ZNF773: variants seen among roughly 807,000 people sequenced by gnomAD.
ZNF773 encodes the protein zinc finger protein 419B.
ZNF773 carries 11 observed loss-of-function variants against 12.8 expected under a neutral mutation model. The observed-to-expected ratio is 0.86, with a 90% CI of 0.54 to 1.42. The LOEUF is 1.42. ZNF773 is among the 40% of genes most tolerant of loss of function. The probability of loss-of-function intolerance (pLI) is 0.00; values close to 1 mark genes in which losing one functional copy is unlikely to be tolerated. For missense variants in ZNF773, 518 were observed against 527.2 expected (o/e 0.98, Z 0.17); for synonymous variants, 175 against 178.4 (o/e 0.98, Z 0.15).
rs149188572 is a variant in ZNF773 at position 57,507,368 on chromosome 19, C to T, written c.1273C>T (p.Arg425Cys). The T allele has an allele frequency of 3.3e-5, 54 of 1,612,380 alleles. No homozygotes were observed. The highest frequency in any genetic ancestry group is 2.3e-4 in the African/African-American group (17 of 74,800). ...GTGCAGGGAATGTGGGAAATTTTTT[C>T]GCCACAGCTCCAGTCTTGTTAAACA... is the stretch of plus-strand genomic sequence containing the variant. ...YECRECGKFF[R>C]HSSSLVKHRR... Residue 425 changes from arginine to cysteine, a missense_variant, in exon 4 of 4, where the codon CGC becomes TGC. Physicochemically the swap from Arg to Cys is radical, Grantham distance 180. Transcript: ENST00000282292.
rs1308854063 is a variant in ZNF773 at position 57,507,051 on chromosome 19, T to C, written c.956T>C (p.Met319Thr). The C allele has an allele frequency of 1.9e-6, 3 of 1,614,198 alleles. No individual in the cohort carries two copies. Among genetic ancestry groups the C allele is most frequent in the Non-Finnish European group, 2.5e-6 (3 of 1,180,028 alleles). Residue 319 changes from methionine (M) to threonine (T), a missense_variant, in exon 4 of 4, where the codon ATG (methionine) becomes ACG (threonine). Physicochemically the swap from Met to Thr is moderately conservative, Grantham distance 81 (BLOSUM62 -1). Transcript: ENST00000282292. ...GKLFSFNSSL[M>T]KHQRVHTGER... ...TTGTTTAGTTTCAACTCCAGCCTCA[T>C]GAAACATCAGAGAGTTCACACTGGA...
downstream of ZNF773, chr19:57,508,322 G>T: frequency 2.6e-6 from 2 of 759,618 alleles, no homozygotes; most frequent in Non-Finnish European, 3.2e-6. Context: ...AGGGAGCCCT[G>T]TATTGGCTGC....
At position 57,505,712 on chromosome 19, in the gene ZNF773, G is replaced by GT. The variant is rs11312618; in HGVS notation, c.262+330dup. The stretch of plus-strand genomic sequence containing the variant: ...GGACACCAACTATTTCATTCCAGTT[G>GT]TTTTTTTTTTTTTTTTTTGACAGAG... On this transcript the variant is annotated intron_variant, in intron 3 of 3. Transcript: ENST00000282292. Among the ~76,000 whole-genome samples, 140 of 110,848 alleles carry GT rather than the reference G, an allele frequency of 1.3e-3. 3 individuals carry two copies. The highest frequency in any genetic ancestry group is 2.7e-3 in the East Asian group (10 of 3,716). The allele number at this position is 110,848 out of a possible 152,430, so 72.7% of individuals were successfully genotyped here. A position where few individuals can be genotyped will look rare whatever the true frequency, so the allele number is the denominator to read the frequency against.
chr19:57,505,473 T>C, intron 3 of ZNF773, 73 bp downstream of exon 3: 2 of 1,529,284 alleles, frequency 1.3e-6, no homozygotes, highest in Non-Finnish European at 1.8e-6. Context: ...GTCTTTCCAG[T>C]GGGCCCAGAT....
chr19:57,501,126 A>G (rs2885057), intron 1 of ZNF773, among the ~76,000 whole-genome samples: 31,052 of 152,030 alleles, frequency 0.2, 3,312 homozygotes, highest in African/African-American at 0.25. Flanking sequence ...GTGGAGCAGC[A>G]CCTTTGGTGC....
downstream of ZNF773, among the ~76,000 whole-genome samples, chr19:57,508,736 G>A (rs1340622078): frequency 6.7e-6 from 1 of 149,828 alleles, no homozygotes; most frequent in Non-Finnish European, 1.5e-5. Flanking sequence ...TACTAAGTGT[G>A]CAGTAGTATT....
At chr19:57,506,108 G>A (rs1313047760) in intron 3 of ZNF773, among the ~76,000 whole-genome samples, 1 of 152,164 alleles carries the variant, frequency 6.6e-6, no homozygotes, top group Non-Finnish European at 1.5e-5. Context: ...AGAGGATTGT[G>A]TTGGGGACTC....
At chr19:57,513,069 A>G, downstream of ZNF773, 1 of 1,541,616 alleles carries the variant, frequency 6.5e-7, no homozygotes, top group South Asian at 1.2e-5. Context: ...ACGTGAGTGA[A>G]GAAGGTCTGC....
downstream of ZNF773, chr19:57,515,146 C>G (rs571964274): frequency 5.9e-5 from 9 of 152,240 alleles, no homozygotes; most frequent in African/African-American, 2.2e-4. Flanking sequence ...TTAAAAGCAC[C>G]CTAGAACCAG....
Position 57,500,010 on chromosome 19 carries a change from G to C in ZNF773, c.-71G>C. On this transcript the variant is annotated 5_prime_UTR_variant, in exon 1 of 4. Coordinates refer to ENST00000282292, the MANE Select transcript of ZNF773 (RefSeq NM_198542.3). Reference sequence around the variant, plus strand: ...GTTCTCGCAGCTCAGAGGCGGGTCTGAGGCTCGGTGGCGGCGCCCAGGGTG... The same window carrying C: ...GTTCTCGCAGCTCAGAGGCGGGTCTCAGGCTCGGTGGCGGCGCCCAGGGTG... 1 of 1,525,694 alleles carries C rather than the reference G, an allele frequency of 6.6e-7. No homozygotes were observed. The highest frequency in any genetic ancestry group is 8.8e-7 in the Non-Finnish European group (1 of 1,135,566). The allele number at this position is 1,525,694 out of a possible 1,614,324, so 94.5% of individuals were successfully genotyped here.
chr19:57,506,348 CTTCT>C lies in ZNF773; in HGVS notation c.263-6_263-3del. ...CTACATTTACTTCATCAACATTTCT[CTTCT>C]TTCAGGTAGTTGGCAAGGAGCCAAG... On this transcript the variant is annotated splice_polypyrimidine_tract_variant and splice_region_variant and intron_variant, in intron 3 of 3. Transcript: ENST00000282292. The C allele has an allele frequency of 6.3e-7, 1 of 1,597,420 alleles. No homozygotes were observed. The highest frequency in any genetic ancestry group is 8.5e-7 in the Non-Finnish European group (1 of 1,173,814).
downstream of ZNF773, among the ~76,000 whole-genome samples, chr19:57,511,052 TTTA>T (rs2089790310): frequency 1.6e-5 from 2 of 122,750 alleles, no homozygotes; most frequent in East Asian, 6.0e-4. Context: ...TTTTATTTTA[TTTA>T]TTTTTTTTTT....
chr19:57,508,447 A>G (rs991908957), downstream of ZNF773: 4 of 662,592 alleles, frequency 6.0e-6, no homozygotes, highest in African/African-American at 7.2e-5. Flanking sequence ...ATCTTCTTTA[A>G]TAAATATTTA....
At chr19:57,513,696 T>C (rs796556716), downstream of ZNF773, 2 of 152,214 alleles carry the variant, frequency 1.3e-5, no homozygotes, top group South Asian at 2.1e-4. Context: ...AAAAGAGCGA[T>C]TGGATGCAGG....
intron 1 of ZNF773, among the ~76,000 whole-genome samples, chr19:57,503,090 G>A (rs75876955): frequency 0.022 from 3,406 of 152,242 alleles, 84 homozygotes; most frequent in South Asian, 0.057. Context: ...GAATAATTAA[G>A]TTAGGTTTTG....
downstream of ZNF773, among the ~76,000 whole-genome samples, chr19:57,511,228 T>G (rs2089792717): frequency 6.6e-6 from 1 of 151,832 alleles, no homozygotes; most frequent in Non-Finnish European, 1.5e-5. Flanking sequence ...TTTTTTGTAT[T>G]TTTTAGTAGA....
In ZNF773 at chr19:57,500,016, C is replaced by T. The variant is rs775217745; in HGVS notation, c.-65C>T. 2 of 1,529,646 alleles carry T rather than the reference C, an allele frequency of 1.3e-6. No individual in the cohort carries two copies. Among genetic ancestry groups the T allele is most frequent in the East Asian group, 2.5e-5 (1 of 40,318 alleles). 94.8% of individuals were successfully genotyped at this position (1,529,646 alleles called of 1,614,324 possible). On this transcript the variant is annotated 5_prime_UTR_variant, in exon 1 of 4. Transcript: ENST00000282292. ...GCAGCTCAGAGGCGGGTCTGAGGCT[C>T]GGTGGCGGCGCCCAGGGTGGCCCGG...
downstream of ZNF773, chr19:57,514,127 C>T (rs568949392): frequency 6.6e-5 from 10 of 152,254 alleles, no homozygotes; most frequent in African/African-American, 2.2e-4. Context: ...TTCTTTTGGC[C>T]GCTCCTACAG....
At chr19:57,505,857 C>G (rs1227279384) in intron 3 of ZNF773, among the ~76,000 whole-genome samples, 1 of 151,926 alleles carries the variant, frequency 6.6e-6, no homozygotes, top group Admixed American at 6.6e-5. Flanking sequence ...CTACAGGCGC[C>G]CGCCACCATG....
Sources: gnomAD v4.1 joint callset for allele counts (sites outside exome capture counted in the v4.1 genomes callset) on GRCh38, gnomAD v4.1.1 for gene constraint, MANE v1.5 for transcripts, NCBI Gene and HGNC (gene_info 2026-07-23, HGNC 2026-07-21) for gene names.